DLGAP2: variants seen among roughly 807,000 people sequenced by gnomAD.
The protein encoded by DLGAP2 is DLG associated protein 2, also known as disks large-associated protein 2.
A neutral mutation model predicts 100.3 loss-of-function variants in DLGAP2; 26 were observed. That is an observed-to-expected ratio of 0.26 (90% CI 0.19 to 0.36). The LOEUF (loss-of-function observed/expected upper bound fraction) is 0.36, where lower values mean the gene tolerates loss of function less well. DLGAP2 is among the 10% of genes least tolerant of loss of function. The probability of loss-of-function intolerance (pLI) is 1.00; values close to 1 mark genes in which losing one functional copy is unlikely to be tolerated. For missense variants in DLGAP2, 1,858 were observed against 1,453.2 expected, an observed-to-expected ratio of 1.28 and a Z score of -4.53; for synonymous variants, 886 against 630.1, an observed-to-expected ratio of 1.41 and a Z score of -6.08.
intron 8 of DLGAP2, among the ~76,000 whole-genome samples, chr8:1,637,120 A>C (rs1797785393): frequency 6.6e-6 from 1 of 152,158 alleles, no homozygotes. Flanking sequence ...CCAGGTGTGC[A>C]GTGTGCAGCC....
At chr8:979,452 G>C (rs1329910094) in intron 2 of DLGAP2, among the ~76,000 whole-genome samples, 1 of 152,200 alleles carries the variant, frequency 6.6e-6, no homozygotes, top group African/African-American at 2.4e-5. Context: ...CAGTGATCTT[G>C]TTCCCAGCCT....
intron 4 of DLGAP2, among the ~76,000 whole-genome samples, chr8:1,519,964 G>C (rs942293398): frequency 1.3e-5 from 2 of 152,228 alleles, no homozygotes; most frequent in Admixed American, 6.5e-5. Context: ...TCGGTTTCCA[G>C]TCTGCAGGAG....
intron 2 of DLGAP2, among the ~76,000 whole-genome samples, chr8:1,183,371 G>A (rs78567122): frequency 6.6e-6 from 1 of 152,210 alleles, no homozygotes; most frequent in Non-Finnish European, 1.5e-5. Flanking sequence ...GATTATAGAT[G>A]TGGCAGTGCT....
chr8:755,762 G>A (rs1820903685), intron 1 of DLGAP2, among the ~76,000 whole-genome samples: 2 of 152,324 alleles, frequency 1.3e-5, no homozygotes, highest in Non-Finnish European at 2.9e-5. Context: ...CTGGGGTGCC[G>A]TCCTCTGGGT....
chr8:1,140,027 C>T (rs559828214), intron 2 of DLGAP2, among the ~76,000 whole-genome samples: 1 of 152,280 alleles, frequency 6.6e-6, no homozygotes, highest in East Asian at 1.9e-4. Flanking sequence ...ATTTTCATAA[C>T]ATTTCAAATT....
At chr8:988,624 C>G (rs919479221) in intron 2 of DLGAP2, among the ~76,000 whole-genome samples, 6 of 152,152 alleles carry the variant, frequency 3.9e-5, no homozygotes, top group Admixed American at 3.9e-4. Flanking sequence ...TCCCACCCCA[C>G]GTGGACCTTC....
In DLGAP2 at chr8:1,060,795, C is replaced by T. The variant is rs545942600; in HGVS notation, c.73+152829C>T. Among the ~76,000 whole-genome samples the T allele has an allele frequency of 2.0e-3, 302 of 152,278 alleles. 2 individuals carry two copies. The highest frequency in any genetic ancestry group is 2.8e-3 in the Non-Finnish European group (193 of 68,020). On this transcript the variant is annotated intron_variant, in intron 2 of 14. Coordinates refer to ENST00000637795, the MANE Select transcript of DLGAP2 (RefSeq NM_001346810.2). ...GAGAGGGGCCTGCGGGTTCCACATG[C>T]TGACCTCCCTGTGGGCCTGGGAGGA...
chr8:1,424,382 C>T (rs1797182708), intron 3 of DLGAP2, among the ~76,000 whole-genome samples: 1 of 152,154 alleles, frequency 6.6e-6, no homozygotes, highest in African/African-American at 2.4e-5. Context: ...TTTTCTTTGG[C>T]CAGAGCATAC....
intron 2 of DLGAP2, among the ~76,000 whole-genome samples, chr8:1,198,191 G>A (rs536333114): frequency 2.9e-4 from 44 of 152,172 alleles, no homozygotes; most frequent in Middle Eastern, 3.4e-3. Context: ...ATGCTGCGGC[G>A]AAAAGGAGCA....
intron 1 of DLGAP2, among the ~76,000 whole-genome samples, chr8:759,110 AGCCTTCCCATTATCAAT>A (rs1821000161): frequency 1.5e-5 from 1 of 67,838 alleles, no homozygotes; most frequent in African/African-American, 4.2e-5. Context: ...TACCCCCGAC[AGCCTTCCCATTATCAAT>A]ACCCCTGACA....
intron 6 of DLGAP2, among the ~76,000 whole-genome samples, chr8:1,598,998 G>T (rs1796542440): frequency 6.6e-6 from 1 of 152,124 alleles, no homozygotes. Context: ...TCTCCTGTGG[G>T]CATTTGGTGC....
intron 3 of DLGAP2, among the ~76,000 whole-genome samples, chr8:1,500,762 C>G (rs1159924769): frequency 6.6e-6 from 1 of 152,250 alleles, no homozygotes; most frequent in Admixed American, 6.5e-5. Flanking sequence ...TTTGTGTTAG[C>G]ACAGATCGAA....
chr8:1,279,397 T>C (rs1799770460), intron 3 of DLGAP2, among the ~76,000 whole-genome samples: 1 of 152,222 alleles, frequency 6.6e-6, no homozygotes, highest in African/African-American at 2.4e-5. Context: ...TCTGTCTTAA[T>C]TGATTTTACC....
intron 2 of DLGAP2, among the ~76,000 whole-genome samples, chr8:1,226,868 C>G (rs1345753896): frequency 1.3e-5 from 2 of 151,906 alleles, no homozygotes; most frequent in South Asian, 2.1e-4. Flanking sequence ...GAGGAGATAA[C>G]AAATGTTAGT....
chr8:836,150 C>A (rs534137645), intron 1 of DLGAP2, among the ~76,000 whole-genome samples: 4 of 152,296 alleles, frequency 2.6e-5, no homozygotes, highest in African/African-American at 2.4e-5. Context: ...ATTTAGACAC[C>A]GAATCCTGCA....
intron 12 of DLGAP2, among the ~76,000 whole-genome samples, chr8:1,686,536 C>T (rs945960135): frequency 6.6e-5 from 10 of 152,144 alleles, no homozygotes; most frequent in African/African-American, 2.2e-4. Context: ...GGCATGGTGG[C>T]GCACGCCTGT....
intron 3 of DLGAP2, among the ~76,000 whole-genome samples, chr8:1,345,144 G>A (rs1801525318): frequency 1.0e-5 from 1 of 99,918 alleles, no homozygotes; most frequent in Non-Finnish European, 2.3e-5. Flanking sequence ...TTGGTACAGT[G>A]TTGAGACCAA....
chr8:908,479 C>T (rs1391574040), intron 2 of DLGAP2, among the ~76,000 whole-genome samples: 1 of 152,120 alleles, frequency 6.6e-6, no homozygotes. Flanking sequence ...AGATGCATCT[C>T]TGTGTAATTT....
At chr8:1,340,024 C>T (rs534301763) in intron 3 of DLGAP2, among the ~76,000 whole-genome samples, 3 of 152,258 alleles carry the variant, frequency 2.0e-5, no homozygotes, top group Admixed American at 2.0e-4. Context: ...ATCCATGGTA[C>T]TGGGAGAACT....
Sources: allele counts gnomAD v4.1 joint callset (sites outside exome capture counted in the v4.1 genomes callset), GRCh38; gene constraint gnomAD v4.1.1; transcripts MANE v1.5; gene names NCBI Gene and HGNC (gene_info 2026-07-23, HGNC 2026-07-21).